The following FRMD5 variants were observed in gnomAD, a reference collection of about 807,000 sequenced individuals.
FRMD5 encodes FERM domain containing 5, also known as FERM domain-containing protein 5.
FRMD5 carries 20 observed loss-of-function variants against 69.0 expected under a neutral mutation model. That is an observed-to-expected ratio of 0.29 (90% confidence interval 0.20 to 0.42). FRMD5 has a LOEUF of 0.42. FRMD5 is among the 10% of genes least tolerant of loss of function. The pLI, the probability that FRMD5 is intolerant of heterozygous loss-of-function variation, is 1.00. For missense variants in FRMD5, 595 were observed against 708.6 expected (o/e 0.84, Z 1.82); for synonymous variants, 271 against 260.1 (o/e 1.04, Z -0.40).
intron 1 of FRMD5, among the ~76,000 whole-genome samples, chr15:43,996,078 C>T (rs1297821163): frequency 6.6e-6 from 1 of 152,056 alleles, no homozygotes; most frequent in Non-Finnish European, 1.5e-5. Flanking sequence ...TGCCGTGGCA[C>T]TGGGGCAGGC....
chr15:44,099,663 T>C (rs1251487574), intron 1 of FRMD5, among the ~76,000 whole-genome samples: 1 of 152,226 alleles, frequency 6.6e-6, no homozygotes, highest in Non-Finnish European at 1.5e-5. Flanking sequence ...ATGGAGATTG[T>C]TTGTTGCCAA....
At chr15:44,111,877 G>A (rs1463859455) in intron 1 of FRMD5, among the ~76,000 whole-genome samples, 3 of 151,262 alleles carry the variant, frequency 2.0e-5, no homozygotes, top group Non-Finnish European at 4.4e-5. Flanking sequence ...CTGAGACAGA[G>A]TCTCGTGCTG....
chr15:43,904,537 TATTTA>T (rs971783369), intron 6 of FRMD5, among the ~76,000 whole-genome samples: 2 of 152,070 alleles, frequency 1.3e-5, no homozygotes, highest in African/African-American at 4.8e-5. Flanking sequence ...CTGGCTTTTT[TATTTA>T]TTTACTTTCA....
At chr15:43,997,989 GTTATA>G (rs1450062899) in intron 1 of FRMD5, among the ~76,000 whole-genome samples, 1 of 152,046 alleles carries the variant, frequency 6.6e-6, no homozygotes, top group Non-Finnish European at 1.5e-5. Flanking sequence ...ACAACATGAT[GTTATA>G]TTATATATAG....
intron 1 of FRMD5, among the ~76,000 whole-genome samples, chr15:44,112,455 C>T (rs1159672768): frequency 1.3e-5 from 2 of 151,320 alleles, no homozygotes; most frequent in African/African-American, 4.9e-5. Context: ...TTATCTGCCA[C>T]TGCACCTTCA....
intron 1 of FRMD5, among the ~76,000 whole-genome samples, chr15:43,978,037 C>A (rs1342935354): frequency 6.6e-6 from 1 of 151,998 alleles, no homozygotes; most frequent in African/African-American, 2.4e-5. Context: ...TTATAAAAAC[C>A]TCCCTATAGA....
chr15:43,934,739 C>T (rs1468108373), intron 1 of FRMD5, among the ~76,000 whole-genome samples: 1 of 152,200 alleles, frequency 6.6e-6, no homozygotes, highest in Non-Finnish European at 1.5e-5. Flanking sequence ...AAATGAGGAT[C>T]GTTGCAAGAT....
intron 1 of FRMD5, among the ~76,000 whole-genome samples, chr15:44,032,200 A>G (rs1891714131): frequency 6.6e-6 from 1 of 152,198 alleles, no homozygotes; most frequent in African/African-American, 2.4e-5. Context: ...ACAAAAATCA[A>G]CTCAAGATGG....
intron 1 of FRMD5, among the ~76,000 whole-genome samples, chr15:44,188,040 C>T (rs143802869): frequency 7.0e-4 from 106 of 152,270 alleles, no homozygotes; most frequent in Non-Finnish European, 1.4e-3. Flanking sequence ...TTGTTATTTA[C>T]GTGTTTGCAA....
chr15:44,044,348 T>C (rs1892338182), intron 1 of FRMD5, among the ~76,000 whole-genome samples: 2 of 152,200 alleles, frequency 1.3e-5, no homozygotes, highest in African/African-American at 4.8e-5. Context: ...TCAACCATTG[T>C]GGAAGACAGT....
intron 1 of FRMD5, among the ~76,000 whole-genome samples, chr15:43,953,307 A>G (rs562064123): frequency 7.2e-5 from 11 of 152,202 alleles, no homozygotes; most frequent in Non-Finnish European, 1.5e-4. Context: ...CCATTGCATC[A>G]CAAAGTCCTT....
chr15:43,990,248 G>A lies in FRMD5; in HGVS notation c.103-65939C>T, dbSNP rs1386874622. 3 of 380,580 alleles carry A rather than the reference G, an allele frequency of 7.9e-6. No individual in the cohort carries two copies. The Admixed American group carries it at 1.1e-4, about 14-fold the overall frequency. The allele number at this position is 380,580 out of a possible 1,614,324, so 23.6% of individuals were successfully genotyped here. ...CGAGGGCAAGGCTCTGTGCTCGCAG[G>A]GTGGACACGGTCTCAGCAGAAACAT... On this transcript the variant is annotated intron_variant, in intron 1 of 13. Transcript: ENST00000417257.
intron 1 of FRMD5, among the ~76,000 whole-genome samples, chr15:43,957,953 A>G (rs1244524755): frequency 6.6e-6 from 1 of 152,212 alleles, no homozygotes; most frequent in East Asian, 1.9e-4. Context: ...TCATTTTCAC[A>G]TAACTCCACA....
chr15:44,111,641 C>T (rs1235021706), intron 1 of FRMD5, among the ~76,000 whole-genome samples: 1 of 152,178 alleles, frequency 6.6e-6, no homozygotes, highest in Non-Finnish European at 1.5e-5. Flanking sequence ...CCAATCGGAA[C>T]CCTTTGAAGA....
At chr15:44,007,637 A>ATCT (rs1890513414) in intron 1 of FRMD5, among the ~76,000 whole-genome samples, 7 of 81,144 alleles carry the variant, frequency 8.6e-5, no homozygotes, top group Non-Finnish European at 1.5e-4. Context: ...TAATTAACTA[A>ATCT]TTTTTTTTTT....
In FRMD5 at chr15:43,998,816, C is replaced by T. The variant is rs201097585; in HGVS notation, c.103-74507G>A. 1.1e-4 allele frequency among the ~76,000 whole-genome samples: 16 copies of T among 152,258 alleles called. No individual in the cohort carries two copies. In the East Asian group the frequency reaches 1.4e-3, roughly 13 times the overall value. On this transcript the variant is annotated intron_variant, in intron 1 of 13. Coordinates refer to ENST00000417257, the MANE Select transcript of FRMD5 (RefSeq NM_032892.5). ...TCAGTATGATTTGAATGAAAGACTC[C>T]GCATTCCAAGACTCCGCCCTGCCGT...
intron 1 of FRMD5, among the ~76,000 whole-genome samples, chr15:44,180,052 T>TAAAAAAAAA (rs5812269): frequency 1.0e-5 from 1 of 97,498 alleles, no homozygotes. Flanking sequence ...CTCCATCTCT[T>TAAAAAAAAA]AAAAAAAAAA....
chr15:44,039,578 G>C (rs752912599), intron 1 of FRMD5, among the ~76,000 whole-genome samples: 4 of 152,184 alleles, frequency 2.6e-5, no homozygotes, highest in Non-Finnish European at 5.9e-5. Flanking sequence ...CTGCAGAAGA[G>C]GGGCCTGGCT....
chr15:44,127,551 TCTC>T (rs907200221), intron 1 of FRMD5, among the ~76,000 whole-genome samples: 1 of 152,068 alleles, frequency 6.6e-6, no homozygotes, highest in African/African-American at 2.4e-5. Context: ...TGCTCTTGGC[TCTC>T]CTTTCCCTCA....
Sources: gnomAD v4.1 joint callset for allele counts (sites outside exome capture counted in the v4.1 genomes callset) on GRCh38, gnomAD v4.1.1 for gene constraint, MANE v1.5 for transcripts, NCBI Gene and HGNC (gene_info 2026-07-23, HGNC 2026-07-21) for gene names.